Variants in C8B observed in about 807,000 individuals in gnomAD.
The protein encoded by C8B is complement component C8 beta chain.
C8B carries 67 observed loss-of-function variants against 64.6 expected under a neutral mutation model. The observed-to-expected ratio is 1.04, with a 90% CI of 0.85 to 1.27. The LOEUF (loss-of-function observed/expected upper bound fraction) is 1.27. C8B is among the 50% of genes most tolerant of loss of function. C8B has a pLI of 0.00. For synonymous variants in C8B, 284 were observed against 257.7 expected (o/e 1.10, Z -0.98); for missense variants, 790 against 725.2 (o/e 1.09, Z -1.03).
At position 56,960,074 on chromosome 1, in the gene C8B, A is replaced by C; in HGVS notation, c.195T>G (p.Cys65Trp). 1 of 1,614,142 alleles carries C rather than the reference A, an allele frequency of 6.2e-7. No homozygotes were observed. Among genetic ancestry groups the C allele is most frequent in the Non-Finnish European group, 8.5e-7 (1 of 1,179,998 alleles). ...TCCAAGAGGACCAACTAGACAGCTCACAATCAATGGGCATCAGGGTAACAT... is the reference window on the plus strand; with the variant it reads ...TCCAAGAGGACCAACTAGACAGCTCCCAATCAATGGGCATCAGGGTAACAT... ...SVDVTLMPID[C>W]ELSSWSSWTT... Residue 65 changes from cysteine to tryptophan, a missense_variant, in exon 2 of 12, where the codon TGT becomes TGG. Cys to Trp is a radical substitution (Grantham distance 215). Coordinates refer to ENST00000371237, the MANE Select transcript of C8B (RefSeq NM_000066.4).
chr1:56,937,482 A>AT (rs748661555), intron 9 of C8B, among the ~76,000 whole-genome samples: 6 of 151,992 alleles, frequency 3.9e-5, no homozygotes, highest in Non-Finnish European at 8.8e-5. Flanking sequence ...TCATTACTGT[A>AT]TTTTTTCCCT....
At chr1:56,963,319 G>A (rs1043509465) in intron 1 of C8B, among the ~76,000 whole-genome samples, 4 of 152,128 alleles carry the variant, frequency 2.6e-5, no homozygotes, top group African/African-American at 9.7e-5. Flanking sequence ...ATATATTTTG[G>A]CTTTCGGTAG....
At chr1:56,954,892 A>G (rs530261423) in intron 3 of C8B, 65 bp from the exon 4 acceptor site, 7 of 1,598,038 alleles carry the variant, frequency 4.4e-6, no homozygotes, top group Non-Finnish European at 5.1e-6. Context: ...AACATAGTAT[A>G]AGCACCTACC....
rs560648394 is a variant in C8B, at chr1:56,931,386, T to C, written c.1621+424A>G. 6.6e-5 allele frequency among the ~76,000 whole-genome samples: 10 copies of C among 152,264 alleles called. No individual in the cohort carries two copies. The South Asian group carries it at 1.9e-3, about 28-fold the overall frequency. ...CCAAAATACAATGCACAAAGAGCTA[T>C]AATAGATACATGTTCAAAGTCCCGG... On this transcript the variant is annotated intron_variant, in intron 11 of 11. Transcript: ENST00000371237.
intron 9 of C8B, among the ~76,000 whole-genome samples, chr1:56,939,408 T>C (rs1644818375): frequency 6.6e-6 from 1 of 152,228 alleles, no homozygotes; most frequent in South Asian, 2.1e-4. Context: ...GCAGAAACTG[T>C]GTATTTGTCA....
At chr1:56,944,367 CTCTTG>C (rs1644911699) in intron 7 of C8B, among the ~76,000 whole-genome samples, 1 of 152,200 alleles carries the variant, frequency 6.6e-6, no homozygotes, top group Non-Finnish European at 1.5e-5. Flanking sequence ...CATCCTCCTC[CTCTTG>C]TCTTGCTGAA....
At chr1:56,929,753 G>A (rs1644670021) in intron 11 of C8B, among the ~76,000 whole-genome samples, 195 bp from the exon 12 acceptor site, 1 of 151,980 alleles carries the variant, frequency 6.6e-6, no homozygotes, top group South Asian at 2.1e-4. Context: ...TCCCCCCTGT[G>A]CCCAGAACAC....
At position 56,929,342 on chromosome 1, in the gene C8B, C is replaced by G. The variant is rs1644660499; in HGVS notation, c.*62G>C. 1.3e-6 allele frequency: 2 copies of G among 1,573,730 alleles called. No individual in the cohort carries two copies. The highest frequency in any genetic ancestry group is 2.2e-5 in the South Asian group (2 of 90,170). On this transcript the variant is annotated 3_prime_UTR_variant, in exon 12 of 12. Transcript: ENST00000371237. ...AGGTGGAAACTGGTGTAGGGCTGAG[C>G]TGGCATGAGTTCTTGAGGGCTCAGG...
At chr1:56,933,243 T>G (rs1644727669) in intron 10 of C8B, 92 bp downstream of exon 10, 1 of 1,101,264 alleles carries the variant, frequency 9.1e-7, no homozygotes, top group African/African-American at 1.5e-5. Context: ...AAATTCTGAC[T>G]TCTCAGTAAA....
At chr1:56,956,557 G>T (rs561241094) in intron 3 of C8B, among the ~76,000 whole-genome samples, 1 of 152,084 alleles carries the variant, frequency 6.6e-6, no homozygotes, top group African/African-American at 2.4e-5. Flanking sequence ...ATTTTTTAAG[G>T]TATATAATGA....
intron 3 of C8B, 32 bp from the exon 4 acceptor site, chr1:56,954,859 A>C (rs112498155): frequency 6.2e-7 from 1 of 1,614,068 alleles, no homozygotes; most frequent in Non-Finnish European, 8.5e-7. Context: ...ACCCACAGCC[A>C]CATGGTTGGC....
intron 6 of C8B, among the ~76,000 whole-genome samples, chr1:56,948,510 G>T (rs1382356167): frequency 6.6e-6 from 1 of 152,176 alleles, no homozygotes; most frequent in East Asian, 1.9e-4. Context: ...ATGCCCAGGT[G>T]AGATGCTCAG....
rs1379289965 is a variant in C8B, at chr1:56,929,433, G to A, written c.1747C>T (p.Pro583Ser). ...GAGCAGTCAAGTGTTTCTGAAGCAG[G>A]GCCTGAACAGGGGCTACCCCCATTT... Reference protein sequence around the residue: ...PQNGGSPCSGPASETLDCS With the variant: ...PQNGGSPCSGSASETLDCS Residue 583 changes from proline to serine, a missense_variant, in exon 12 of 12, where the codon CCT (proline) becomes TCT (serine). Pro to Ser is a moderately conservative substitution (Grantham distance 74). Coordinates refer to ENST00000371237, the MANE Select transcript of C8B (RefSeq NM_000066.4). 1 of 1,612,354 alleles carries A rather than the reference G, an allele frequency of 6.2e-7. No homozygotes were observed. Among genetic ancestry groups the A allele is most frequent in the South Asian group, 1.1e-5 (1 of 91,004 alleles).
intron 6 of C8B, among the ~76,000 whole-genome samples, chr1:56,948,707 G>A (rs1193941339): frequency 6.6e-6 from 1 of 152,168 alleles, no homozygotes; most frequent in Non-Finnish European, 1.5e-5. Flanking sequence ...ACCCAGGAAG[G>A]AAGCTGATAA....
chr1:56,948,227 A>C (rs1302312367), intron 6 of C8B, among the ~76,000 whole-genome samples: 1 of 152,196 alleles, frequency 6.6e-6, no homozygotes, highest in Non-Finnish European at 1.5e-5. Context: ...ATATTTCTTC[A>C]TGTGTTTGAA....
At chr1:56,944,757 A>G (rs1440483514) in intron 7 of C8B, among the ~76,000 whole-genome samples, 1 of 152,180 alleles carries the variant, frequency 6.6e-6, no homozygotes, top group African/African-American at 2.4e-5. Context: ...GGTACCTCTG[A>G]TTTTGACAAG....
intron 3 of C8B, among the ~76,000 whole-genome samples, chr1:56,956,213 G>A (rs1215826519): frequency 6.6e-6 from 1 of 152,170 alleles, no homozygotes; most frequent in East Asian, 1.9e-4. Context: ...TCTAGGTTTT[G>A]TCATATTCTA....
In C8B at chr1:56,954,274, C is replaced by T. The variant is rs138138954; in HGVS notation, c.533+412G>A. ...ACCTCTCTTCTTGGAGGGACCAATG[C>T]TGGGAGATAGGGGCAGACCTGGATA... On this transcript the variant is annotated intron_variant, in intron 4 of 11. Coordinates refer to ENST00000371237, the MANE Select transcript of C8B (RefSeq NM_000066.4). 2.3e-3 allele frequency among the ~76,000 whole-genome samples: 345 copies of T among 152,268 alleles called. 1 individual carries two copies. The highest frequency in any genetic ancestry group is 0.01 in the Middle Eastern group (3 of 294).
At chr1:56,931,080 C>T (rs1644694435) in intron 11 of C8B, among the ~76,000 whole-genome samples, 1 of 152,042 alleles carries the variant, frequency 6.6e-6, no homozygotes, top group South Asian at 2.1e-4. Context: ...AGTAAATGTT[C>T]GTTGTTTGTT....
Sources: allele counts gnomAD v4.1 joint callset (sites outside exome capture counted in the v4.1 genomes callset), GRCh38; gene constraint gnomAD v4.1.1; transcripts MANE v1.5; gene names NCBI Gene and HGNC (gene_info 2026-07-23, HGNC 2026-07-21).